The following SOS2 variants were observed in gnomAD, a reference collection of about 807,000 sequenced individuals.
SOS2 encodes the protein son of sevenless homolog 2.
A neutral mutation model predicts 148.2 loss-of-function variants in SOS2; 65 were observed. The observed-to-expected ratio is 0.44, with a 90% confidence interval of 0.36 to 0.54. SOS2 has a LOEUF of 0.54. Among genes scored for constraint, SOS2 ranks in the 20% least tolerant of loss-of-function variants. SOS2 has a pLI of 0.00. For synonymous variants in SOS2, 539 were observed against 537.1 expected, an observed-to-expected ratio of 1.00 and a Z score of -0.05; for missense variants, 1,341 against 1,590.2, an observed-to-expected ratio of 0.84 and a Z score of 2.67.
rs1883842827 is a variant in SOS2 at position 50,130,770 on chromosome 14, A to G, written c.3076-8T>C. 6.3e-7 allele frequency: 1 copy of G among 1,588,444 alleles called. No individual in the cohort carries two copies. The highest frequency in any genetic ancestry group is 8.6e-7 in the Non-Finnish European group (1 of 1,169,032). ...AAAAGTTGATTTCCTAGGCTGAGAA[A>G]AGCAAACATAATTAATGTCACAAAT... On this transcript the variant is annotated splice_region_variant and splice_polypyrimidine_tract_variant and intron_variant, in intron 19 of 22. Coordinates refer to ENST00000216373, the MANE Select transcript of SOS2 (RefSeq NM_006939.4).
Position 50,180,600 on chromosome 14 carries a change from G to T in SOS2, c.941C>A (p.Ala314Asp). 1.3e-6 allele frequency: 2 copies of T among 1,583,188 alleles called. No individual in the cohort carries two copies. Among genetic ancestry groups the T allele is most frequent in the South Asian group, 1.1e-5 (1 of 87,826 alleles). ...AAAGTGTAGAGCAACTGCAGGTCTG[G>T]CCATCAATTTATTGAAATGTTCATG... The part of the protein sequence containing the change: ...EFHEHFNKLM[A>D]RPAVALHFQS... Residue 314 changes from alanine to aspartate, a missense_variant, in exon 7 of 23, where the codon GCC (alanine) becomes GAC (aspartate). Ala to Asp is a moderately radical substitution (Grantham distance 126). This residue lies in a region of SOS2 where 574 missense variants were observed against 711.1 expected (regional missense o/e 0.81). Coordinates refer to ENST00000216373, the MANE Select transcript of SOS2 (RefSeq NM_006939.4).
intron 8 of SOS2, among the ~76,000 whole-genome samples, chr14:50,172,508 G>A (rs1012313699): frequency 1.4e-5 from 2 of 141,048 alleles, no homozygotes; most frequent in African/African-American, 2.7e-5. Context: ...TTACAGGCAT[G>A]TGCCACCACC....
At position 50,130,592 on chromosome 14, in the gene SOS2, T is replaced by C; in HGVS notation, c.3246A>G (p.Ala1082=). 1 of 1,614,132 alleles carries C rather than the reference T, an allele frequency of 6.2e-7. No individual in the cohort carries two copies. Among genetic ancestry groups the C allele is most frequent in the Non-Finnish European group, 8.5e-7 (1 of 1,179,984 alleles). Residue 1082 remains alanine (A), a synonymous_variant, in exon 20 of 23, where the codon GCA becomes GCG. Transcript: ENST00000216373. ...TAGATGGTGTATTTGGAGAGGTTGGTGCTGACACTGTTGATTCCAGCTCAG... is the reference window on the plus strand; with the variant it reads ...TAGATGGTGTATTTGGAGAGGTTGGCGCTGACACTGTTGATTCCAGCTCAG... The part of the protein sequence containing the change: ...AETELESTVS[A]PTSPNTPSTP...
intron 4 of SOS2, among the ~76,000 whole-genome samples, chr14:50,195,498 A>G (rs1886285385): frequency 6.6e-6 from 1 of 152,232 alleles, no homozygotes; most frequent in South Asian, 2.1e-4. Flanking sequence ...GCAGTGGCCA[A>G]CACCTGTAAT....
intron 13 of SOS2, among the ~76,000 whole-genome samples, chr14:50,152,534 A>G (rs1191478100): frequency 6.6e-6 from 1 of 152,256 alleles, no homozygotes; most frequent in Non-Finnish European, 1.5e-5. Context: ...CGACTTCTTT[A>G]AAAGAAATAT....
intron 7 of SOS2, among the ~76,000 whole-genome samples, chr14:50,175,495 A>G (rs1885495608): frequency 6.7e-6 from 1 of 148,712 alleles, no homozygotes; most frequent in Non-Finnish European, 1.5e-5. Context: ...ATCAATGCAT[A>G]ATGGGAAATA....
chr14:50,230,742 T>C, intron 1 of SOS2: 1 of 166,976 alleles, frequency 6.0e-6, no homozygotes, highest in Non-Finnish European at 1.2e-5. Context: ...GAAACATCCA[T>C]ATTACAAAAA....
intron 14 of SOS2, among the ~76,000 whole-genome samples, chr14:50,146,294 G>A (rs143058495): frequency 6.6e-5 from 10 of 152,022 alleles, no homozygotes; most frequent in Admixed American, 3.9e-4. Flanking sequence ...GATACATATC[G>A]GATGACTCAG....
At chr14:50,192,684 CA>C (rs1230691874) in intron 4 of SOS2, among the ~76,000 whole-genome samples, 2 of 151,920 alleles carry the variant, frequency 1.3e-5, no homozygotes. Context: ...GCCAACACGG[CA>C]AAACCCTGTC....
At chr14:50,120,508 T>C in intron 21 of SOS2, 124 bp from the exon 22 acceptor site, 2 of 617,006 alleles carry the variant, frequency 3.2e-6, no homozygotes, top group Non-Finnish European at 5.7e-6. Context: ...TTTATCTATC[T>C]TCCCCCATTA....
intron 13 of SOS2, among the ~76,000 whole-genome samples, chr14:50,152,712 T>C (rs1594975560): frequency 6.6e-6 from 1 of 152,164 alleles, no homozygotes; most frequent in East Asian, 1.9e-4. Flanking sequence ...CCCAGCACTT[T>C]GGGAAGCTGA....
intron 1 of SOS2, among the ~76,000 whole-genome samples, chr14:50,208,368 T>C (rs550930140): frequency 5.9e-5 from 9 of 152,070 alleles, no homozygotes; most frequent in African/African-American, 1.9e-4. Flanking sequence ...AAAGCTACAA[T>C]AGGCTGGGTG....
chr14:50,131,908 C>T (rs1883886956), intron 19 of SOS2, among the ~76,000 whole-genome samples: 1 of 152,096 alleles, frequency 6.6e-6, no homozygotes, highest in African/African-American at 2.4e-5. Context: ...TGATTAACAA[C>T]AGAAATGATA....
At chr14:50,189,850 ATTTTTT>A (rs67295878) in intron 4 of SOS2, among the ~76,000 whole-genome samples, 12 of 126,274 alleles carry the variant, frequency 9.5e-5, no homozygotes, top group African/African-American at 1.3e-4. Context: ...TTTATTTTTT[ATTTTTT>A]TTTTTTTTGT....
intron 16 of SOS2, among the ~76,000 whole-genome samples, chr14:50,140,403 T>C (rs1360267670): frequency 1.3e-5 from 2 of 152,224 alleles, no homozygotes; most frequent in Non-Finnish European, 2.9e-5. Flanking sequence ...CACTGAAAGA[T>C]CTTTTGGGGC....
chr14:50,177,726 TAAC>T (rs918435292), intron 7 of SOS2, among the ~76,000 whole-genome samples: 13 of 152,300 alleles, frequency 8.5e-5, no homozygotes, highest in African/African-American at 2.2e-4. Context: ...TATTCCATGA[TAAC>T]AAATTTTTGA....
At chr14:50,169,732 C>T (rs1885298523) in intron 8 of SOS2, among the ~76,000 whole-genome samples, 2 of 151,806 alleles carry the variant, frequency 1.3e-5, no homozygotes, top group African/African-American at 4.8e-5. Flanking sequence ...ATTATTGTTG[C>T]CATGCAACAA....
intron 1 of SOS2, among the ~76,000 whole-genome samples, chr14:50,222,523 A>G (rs1741361714): frequency 6.6e-6 from 1 of 152,204 alleles, no homozygotes; most frequent in Admixed American, 6.6e-5. Context: ...GCAGTTTTAG[A>G]TAGGCTGTAA....
chr14:50,149,967 A>G (rs755002982), intron 14 of SOS2, 41 bp downstream of exon 14: 1 of 1,357,720 alleles, frequency 7.4e-7, no homozygotes, highest in Non-Finnish European at 1.1e-6. Context: ...AATGTTCAAG[A>G]TTCTTAAAAA....
Sources: allele counts gnomAD v4.1 joint callset (sites outside exome capture counted in the v4.1 genomes callset), GRCh38; gene constraint gnomAD v4.1.1; regional missense constraint gnomAD v4.1.1; transcripts MANE v1.5; gene names NCBI Gene and HGNC (gene_info 2026-07-23, HGNC 2026-07-21).